The following ICA1L variants were observed in gnomAD, a reference collection of about 807,000 sequenced individuals.
ICA1L encodes islet cell autoantigen 1-like protein.
ICA1L carries 50 observed loss-of-function variants against 61.3 expected under a neutral mutation model. The ratio of observed to expected loss-of-function variants is 0.82; its 90% confidence interval spans 0.65 to 1.03. The LOEUF (loss-of-function observed/expected upper bound fraction) is 1.03. Among genes scored for constraint, ICA1L ranks in the 50% least tolerant of loss-of-function variants. The pLI, the probability that ICA1L is intolerant of heterozygous loss-of-function variation, is 0.00. For missense variants in ICA1L, 508 were observed against 556.7 expected, an observed-to-expected ratio of 0.91 and a Z score of 0.88; for synonymous variants, 161 against 191.3, an observed-to-expected ratio of 0.84 and a Z score of 1.31.
In ICA1L at chr2:202,795,975, A is replaced by C. The variant is rs1239311324; in HGVS notation, c.985+915T>G. On this transcript the variant is annotated intron_variant, in intron 10 of 12. Transcript: ENST00000358299. ...CAAGAATTGCTTGAACCCAGGAGGC[A>C]AAAGTTGCAGTGAGCCAAAATCGTG... 2.0e-5 allele frequency among the ~76,000 whole-genome samples: 3 copies of C among 152,036 alleles called. 1 individual carries two copies.
rs567019728 is a variant in ICA1L, at chr2:202,856,276, C to T, written c.-8+15343G>A. On this transcript the variant is annotated intron_variant, in intron 1 of 12. Transcript: ENST00000358299. The stretch of plus-strand genomic sequence containing the variant: ...TCCAGCAGCATATCAAAAAGCTTAT[C>T]CACCATGATCAAGTCTGCTTCATCC... Among the ~76,000 whole-genome samples, 126 of 152,194 alleles carry T rather than the reference C, an allele frequency of 8.3e-4. 2 individuals carry two copies. The South Asian group carries it at 0.026, about 31-fold the overall frequency.
chr2:202,866,489 A>G (rs748903053), intron 1 of ICA1L, among the ~76,000 whole-genome samples: 1 of 152,198 alleles, frequency 6.6e-6, no homozygotes, highest in Non-Finnish European at 1.5e-5. Context: ...AAATGGACTA[A>G]CAGAGGTGCC....
rs569918137 is a variant in ICA1L, at chr2:202,773,937, C to T, written c.*5596G>A. The T allele has an allele frequency of 6.9e-6, 8 of 1,156,798 alleles. No homozygotes were observed. The highest frequency in any genetic ancestry group is 2.4e-5 in the East Asian group (1 of 42,514). The allele number at this position is 1,156,798 out of a possible 1,614,324, so 71.7% of individuals were successfully genotyped here. A position where few individuals can be genotyped will look rare whatever the true frequency, so the allele number is the denominator to read the frequency against. ...CAACGTAGAAAGAGACAGAAAGATTCTTCTCTTCCGCTTATTACTTGCCAC... is the reference window on the plus strand; with the variant it reads ...CAACGTAGAAAGAGACAGAAAGATTTTTCTCTTCCGCTTATTACTTGCCAC... On this transcript the variant is annotated 3_prime_UTR_variant, in exon 13 of 13. Coordinates refer to ENST00000358299, the MANE Select transcript of ICA1L (RefSeq NM_001288622.3).
chr2:202,794,782 G>A (rs1692873132), intron 10 of ICA1L, among the ~76,000 whole-genome samples: 1 of 151,738 alleles, frequency 6.6e-6, no homozygotes, highest in African/African-American at 2.4e-5. Context: ...ATAAACAACG[G>A]GAAGTGTTCA....
At chr2:202,863,311 G>A (rs1694972166) in intron 1 of ICA1L, among the ~76,000 whole-genome samples, 1 of 151,846 alleles carries the variant, frequency 6.6e-6, no homozygotes, top group Non-Finnish European at 1.5e-5. Flanking sequence ...AGAAAAAAAG[G>A]TATAAAATCA....
intron 1 of ICA1L, among the ~76,000 whole-genome samples, chr2:202,853,830 AC>A (rs1234858397): frequency 1.3e-5 from 2 of 152,188 alleles, no homozygotes; most frequent in Admixed American, 1.3e-4. Flanking sequence ...TCCTTTACAG[AC>A]AAGTAAACGC....
chr2:202,781,904 T>A (rs1396092995), intron 12 of ICA1L, among the ~76,000 whole-genome samples: 2 of 152,208 alleles, frequency 1.3e-5, no homozygotes, highest in East Asian at 3.8e-4. Flanking sequence ...TTATTTAACA[T>A]CCTTGTCACA....
chr2:202,837,869 T>C (rs1694198599), intron 1 of ICA1L, among the ~76,000 whole-genome samples: 1 of 152,218 alleles, frequency 6.6e-6, no homozygotes, highest in Non-Finnish European at 1.5e-5. Flanking sequence ...TTTATTTGTC[T>C]TGAGATGGAG....
At chr2:202,852,671 CAAAA>C (rs574400027) in intron 1 of ICA1L, among the ~76,000 whole-genome samples, 1 of 42,192 alleles carries the variant, frequency 2.4e-5, no homozygotes, top group Non-Finnish European at 4.2e-5. Context: ...GACTCTGTCT[CAAAA>C]AAAAAAAAAA....
intron 1 of ICA1L, among the ~76,000 whole-genome samples, chr2:202,861,795 G>T (rs1285254514): frequency 7.1e-6 from 1 of 141,328 alleles, no homozygotes; most frequent in African/African-American, 2.6e-5. Context: ...TGAGGCAGGA[G>T]AATCACTTGA....
intron 10 of ICA1L, among the ~76,000 whole-genome samples, chr2:202,791,631 TAGGTC>T (rs1002487488): frequency 4.0e-5 from 6 of 149,270 alleles, no homozygotes; most frequent in African/African-American, 1.5e-4. Context: ...TGGATCTCCT[TAGGTC>T]AGGAGTTTGA....
rs1226194930 is a variant in ICA1L, at chr2:202,849,007, G to A, written c.-7-19991C>T. ...GGAGGGCAAGCAGAAGCAGGGTGGG[G>A]CGTTGCCTCATCCAGGAAGTGCAAG... is the stretch of plus-strand genomic sequence containing the variant. On this transcript the variant is annotated intron_variant, in intron 1 of 12. Transcript: ENST00000358299. This position sits in a 1 kb window ranked among gnomAD's most constrained non-coding sequence, Gnocchi z 4.5. 6.6e-6 allele frequency among the ~76,000 whole-genome samples: 1 copy of A among 152,074 alleles called. No individual in the cohort carries two copies. Among genetic ancestry groups the A allele is most frequent in the East Asian group, 1.9e-4 (1 of 5,166 alleles).
chr2:202,821,564 A>G (rs1277736058), intron 3 of ICA1L, 83 bp from the exon 4 acceptor site: 3 of 971,158 alleles, frequency 3.1e-6, no homozygotes, highest in East Asian at 5.4e-5. Context: ...TCTCACAGCA[A>G]TAACTCTCTA....
chr2:202,791,844 C>T (rs1692765218), intron 10 of ICA1L, among the ~76,000 whole-genome samples: 1 of 151,582 alleles, frequency 6.6e-6, no homozygotes, highest in South Asian at 2.1e-4. Flanking sequence ...AAACTCTTGT[C>T]TCAAAAAAAC....
At chr2:202,845,616 G>T (rs1279945976) in intron 1 of ICA1L, among the ~76,000 whole-genome samples, 1 of 142,076 alleles carries the variant, frequency 7.0e-6, no homozygotes, top group Non-Finnish European at 1.5e-5. Context: ...AACAGAGCAA[G>T]AATCTGTCTT....
At chr2:202,840,035 A>T (rs963465534) in intron 1 of ICA1L, among the ~76,000 whole-genome samples, 1 of 141,168 alleles carries the variant, frequency 7.1e-6, no homozygotes, top group African/African-American at 2.7e-5. Context: ...CCCTTAATAA[A>T]TTATTGTAGC....
At chr2:202,833,362 C>T (rs1409640271) in intron 1 of ICA1L, among the ~76,000 whole-genome samples, 1 of 152,114 alleles carries the variant, frequency 6.6e-6, no homozygotes, top group Non-Finnish European at 1.5e-5. Flanking sequence ...GGGAGGATCA[C>T]TGGCGCCCAG....
In ICA1L at chr2:202,849,985, G is replaced by C. The variant is rs1694572054; in HGVS notation, c.-7-20969C>G. Among the ~76,000 whole-genome samples, 2 of 152,306 alleles carry C rather than the reference G, an allele frequency of 1.3e-5. No homozygotes were observed. The highest frequency in any genetic ancestry group is 2.9e-5 in the Non-Finnish European group (2 of 68,028). Reference sequence around the variant, plus strand: ...CAATCGTTGCTGTTCTGTAGCCTCTGCTGGTGATACCCAGGCAAACAGGTT... The same window carrying C: ...CAATCGTTGCTGTTCTGTAGCCTCTCCTGGTGATACCCAGGCAAACAGGTT... On this transcript the variant is annotated intron_variant, in intron 1 of 12. Coordinates refer to ENST00000358299, the MANE Select transcript of ICA1L (RefSeq NM_001288622.3). The surrounding 1 kb of genome is among the most constrained non-coding windows in gnomAD (Gnocchi z 4.5).
At chr2:202,785,220 TAAAA>T (rs559242608) in intron 12 of ICA1L, among the ~76,000 whole-genome samples, 1 of 120,260 alleles carries the variant, frequency 8.3e-6, no homozygotes. Flanking sequence ...CTGTCTCAAT[TAAAA>T]AAAAAAAAAA....
Sources: allele counts gnomAD v4.1 joint callset (sites outside exome capture counted in the v4.1 genomes callset), GRCh38; gene constraint gnomAD v4.1.1; non-coding constraint Gnocchi (gnomAD v3.1); transcripts MANE v1.5; gene names NCBI Gene and HGNC (gene_info 2026-07-23, HGNC 2026-07-21).